CBFA2T3: variants seen among roughly 807,000 people sequenced by gnomAD.
The protein encoded by CBFA2T3 is transcriptional corepressor CBFA2T3.
Under a neutral mutation model 58.6 loss-of-function variants are expected in CBFA2T3, and 31 were observed. The ratio of observed to expected loss-of-function variants is 0.53; its 90% CI spans 0.40 to 0.71. The LOEUF is 0.71. Among genes scored for constraint, CBFA2T3 ranks in the 30% least tolerant of loss-of-function variants. CBFA2T3 has a pLI of 0.00. For synonymous variants in CBFA2T3, 531 were observed against 421.9 expected (o/e 1.26, Z -3.17); for missense variants, 1,076 against 963.1 (o/e 1.12, Z -1.55).
At position 88,953,803 on chromosome 16, in the gene CBFA2T3, T is replaced by C. The variant is rs890481925; in HGVS notation, c.151+22854A>G. 4.6e-5 allele frequency among the ~76,000 whole-genome samples: 7 copies of C among 152,160 alleles called. No homozygotes were observed. Among genetic ancestry groups the C allele is most frequent in the Non-Finnish European group, 8.8e-5 (6 of 68,032 alleles). On this transcript the variant is annotated intron_variant, in intron 1 of 11. Transcript: ENST00000268679. This position sits in a 1 kb window ranked among gnomAD's most constrained non-coding sequence, Gnocchi z 4.9. ...CTGCACCCCCTGAATCTTAATCATA[T>C]GTGTCTCTGGGTTTCCCTTAAGGGG...
chr16:88,881,334 G>T lies in CBFA2T3; in HGVS notation c.1359C>A (p.Ala453=), dbSNP rs772522304. Residue 453 remains alanine (A), a synonymous_variant, in exon 9 of 12, where the codon GCC becomes GCA. Transcript: ENST00000268679. ...GACCGGCGGAGCTGCTGCGGGGCCGGGCCGCGGCGGGAGCGGGGCCCTTCT... is the reference window on the plus strand; with the variant it reads ...GACCGGCGGAGCTGCTGCGGGGCCGTGCCGCGGCGGGAGCGGGGCCCTTCT... ...DTKKGPAPAA[A]RPRSSSAGPE... 1.3e-6 allele frequency: 2 copies of T among 1,582,608 alleles called. No homozygotes were observed. Among genetic ancestry groups the T allele is most frequent in the South Asian group, 2.3e-5 (2 of 88,612 alleles).
At chr16:88,928,593 C>T (rs180676593) in intron 1 of CBFA2T3, among the ~76,000 whole-genome samples, 4 of 152,248 alleles carry the variant, frequency 2.6e-5, no homozygotes, top group African/African-American at 9.6e-5. Flanking sequence ...CGACCCCGGG[C>T]GCTGTCACCC....
At chr16:88,905,880 A>G (rs1472797775) in intron 1 of CBFA2T3, among the ~76,000 whole-genome samples, 1 of 151,790 alleles carries the variant, frequency 6.6e-6, no homozygotes, top group Non-Finnish European at 1.5e-5. Flanking sequence ...TCAGGGCAGG[A>G]GACCCATGGC....
At chr16:88,957,327 G>A (rs112594654) in intron 1 of CBFA2T3, among the ~76,000 whole-genome samples, 6 of 152,220 alleles carry the variant, frequency 3.9e-5, no homozygotes, top group African/African-American at 9.6e-5. Context: ...CCGCCCCCAC[G>A]GCAGATGCCA....
chr16:88,901,189 T>G (rs1016553168), intron 2 of CBFA2T3, among the ~76,000 whole-genome samples: 3 of 152,244 alleles, frequency 2.0e-5, no homozygotes, highest in African/African-American at 7.2e-5. Flanking sequence ...CGGCCGGCTT[T>G]GACCCATGGC....
intron 1 of CBFA2T3, among the ~76,000 whole-genome samples, chr16:88,921,605 A>AGGG (rs558464050): frequency 4.7e-4 from 25 of 53,192 alleles, no homozygotes; most frequent in African/African-American, 1.7e-3. Flanking sequence ...TGGGGGAGGG[A>AGGG]GGGGGGGCGG....
At chr16:88,910,327 C>T (rs972640351) in intron 1 of CBFA2T3, among the ~76,000 whole-genome samples, 3 of 152,146 alleles carry the variant, frequency 2.0e-5, no homozygotes, top group African/African-American at 7.2e-5. Context: ...CTCCCTGTAG[C>T]TCTGCTGGTG....
rs544212 is a variant in CBFA2T3, at chr16:88,907,677, C to T, written c.152-6021G>A. On this transcript the variant is annotated intron_variant, in intron 1 of 11. Transcript: ENST00000268679. ...CAGAGGGCACCTGCAGCCTGGGAAC[C>T]CCGAGGGGAGGCACCTGCCCTCCTG... 4.1e-3 allele frequency among the ~76,000 whole-genome samples: 623 copies of T among 152,338 alleles called. 5 individuals are homozygous for T. Among genetic ancestry groups the T allele is most frequent in the African/African-American group, 0.014 (585 of 41,580 alleles).
At chr16:88,951,533 G>A (rs1972073155) in intron 1 of CBFA2T3, 1 of 364,168 alleles carries the variant, frequency 2.7e-6, no homozygotes, top group East Asian at 7.2e-5. Flanking sequence ...TGCACCTGCA[G>A]TACAAAATCA....
At chr16:88,879,852 C>T (rs1004120730) in intron 10 of CBFA2T3, 38 of 201,868 alleles carry the variant, frequency 1.9e-4, no homozygotes, top group South Asian at 4.8e-4. Flanking sequence ...GGGGCGCACC[C>T]GGAATCTGCA....
At chr16:88,891,697 C>A (rs923706540) in intron 5 of CBFA2T3, among the ~76,000 whole-genome samples, 185 bp downstream of exon 5, 10 of 152,164 alleles carry the variant, frequency 6.6e-5, no homozygotes, top group Non-Finnish European at 1.5e-4. Context: ...GTCAGCAGTG[C>A]TCCCCTAGGG....
At chr16:88,913,089 C>CT (rs1228753350) in intron 1 of CBFA2T3, among the ~76,000 whole-genome samples, 12 of 152,258 alleles carry the variant, frequency 7.9e-5, no homozygotes, top group Non-Finnish European at 4.4e-5. Context: ...GTCCACTTCC[C>CT]TGCCCCCTGG....
At chr16:88,926,179 G>A (rs563898452) in intron 1 of CBFA2T3, among the ~76,000 whole-genome samples, 17 of 152,336 alleles carry the variant, frequency 1.1e-4, no homozygotes, top group Non-Finnish European at 2.1e-4. Flanking sequence ...AGCCGCAGCC[G>A]GGGGTACAAC....
At position 88,886,111 on chromosome 16, in the gene CBFA2T3, A is replaced by C; in HGVS notation, c.743T>G (p.Leu248Arg). ...ANLPLLQREL[L>R]HCARLAKQTP... is the part of the protein sequence containing the mutation. ...CTGCTTGGCCAGGCGTGCACAGTGC[A>C]GGAGCTCCCGCTGCAGCAAGGGCAG... The change falls in exon 6 of 12, where the codon CTG becomes CGG. Residue 248 changes from leucine (L) to arginine (R), a missense_variant. By Grantham distance (102) the Leu-to-Arg change is moderately radical. Coordinates refer to ENST00000268679, the MANE Select transcript of CBFA2T3 (RefSeq NM_005187.6). 1 of 1,562,060 alleles carries C rather than the reference A, an allele frequency of 6.4e-7. No individual in the cohort carries two copies. The highest frequency in any genetic ancestry group is 1.2e-5 in the South Asian group (1 of 85,762).
At chr16:88,897,968 G>C in intron 3 of CBFA2T3, 110 bp downstream of exon 3, 2 of 805,774 alleles carry the variant, frequency 2.5e-6, no homozygotes, top group South Asian at 2.8e-5. Context: ...CTGAGGGTGC[G>C]GAGGCCGGGG....
At chr16:88,932,561 C>T (rs1220273374) in intron 1 of CBFA2T3, among the ~76,000 whole-genome samples, 1 of 151,938 alleles carries the variant, frequency 6.6e-6, no homozygotes, top group Non-Finnish European at 1.5e-5. Flanking sequence ...GGGGGAGGAT[C>T]GCTTGAGCCT....
At chr16:88,922,007 A>G (rs1013203368) in intron 1 of CBFA2T3, among the ~76,000 whole-genome samples, 1 of 152,214 alleles carries the variant, frequency 6.6e-6, no homozygotes, top group African/African-American at 2.4e-5. Flanking sequence ...CCAGGGTTAA[A>G]TCACTGGGAC....
chr16:88,881,524 AGGGACC>A, intron 8 of CBFA2T3, 35 bp from the exon 9 acceptor site: 1 of 1,583,112 alleles, frequency 6.3e-7, no homozygotes, highest in Non-Finnish European at 8.6e-7. Flanking sequence ...AGCACCTCAG[AGGGACC>A]GGGACGCACC....
intron 1 of CBFA2T3, among the ~76,000 whole-genome samples, chr16:88,945,938 A>G (rs1429156015): frequency 6.6e-6 from 1 of 152,264 alleles, no homozygotes; most frequent in East Asian, 1.9e-4. Context: ...ACAGGTGAAT[A>G]CATAAAATAC....
Sources: gnomAD v4.1 joint callset for allele counts (sites outside exome capture counted in the v4.1 genomes callset) on GRCh38, gnomAD v4.1.1 for gene constraint, Gnocchi (gnomAD v3.1) non-coding constraint, MANE v1.5 for transcripts, NCBI Gene and HGNC (gene_info 2026-07-23, HGNC 2026-07-21) for gene names.